Variants in ZBTB16 observed in about 807,000 individuals in gnomAD.
ZBTB16 encodes the protein zinc finger and BTB domain containing 16.
Under a neutral mutation model 56.8 loss-of-function variants are expected in ZBTB16, and 8 were observed. The ratio of observed to expected loss-of-function variants is 0.14; its 90% CI spans 0.08 to 0.25. ZBTB16 has a LOEUF of 0.25. ZBTB16 is among the 10% of genes least tolerant of loss of function. The pLI, the probability that ZBTB16 is intolerant of heterozygous loss-of-function variation, is 1.00. For missense variants in ZBTB16, 625 were observed against 903.0 expected, an observed-to-expected ratio of 0.69 and a Z score of 3.95; for synonymous variants, 363 against 368.5, an observed-to-expected ratio of 0.98 and a Z score of 0.17.
At chr11:114,129,707 C>G (rs1941610084) in intron 2 of ZBTB16, among the ~76,000 whole-genome samples, 1 of 152,206 alleles carries the variant, frequency 6.6e-6, no homozygotes, top group Non-Finnish European at 1.5e-5. Context: ...TTAAATCTAC[C>G]AACTATTTCA....
chr11:114,124,545 A>C (rs1743743501), intron 2 of ZBTB16, among the ~76,000 whole-genome samples: 1 of 123,938 alleles, frequency 8.1e-6, no homozygotes, highest in Non-Finnish European at 1.7e-5. Context: ...AAAACAAAAC[A>C]AAAAAAAAAA....
intron 2 of ZBTB16, among the ~76,000 whole-genome samples, chr11:114,111,597 G>C (rs141256418): frequency 1.3e-5 from 2 of 152,246 alleles, no homozygotes; most frequent in African/African-American, 4.8e-5. Context: ...TGTTTTTGTG[G>C]TTTAGAACCT....
intron 4 of ZBTB16, among the ~76,000 whole-genome samples, chr11:114,214,339 T>C (rs550467795): frequency 2.0e-5 from 3 of 152,296 alleles, no homozygotes; most frequent in Non-Finnish European, 4.4e-5. Context: ...GTGACAGTTA[T>C]TTGTGAAGTT....
At chr11:114,179,446 G>A (rs1591755723) in intron 3 of ZBTB16, among the ~76,000 whole-genome samples, 1 of 152,208 alleles carries the variant, frequency 6.6e-6, no homozygotes, top group South Asian at 2.1e-4. Context: ...GTTGTAAAAT[G>A]CCCTGCGTCT....
rs570564969 is a variant in ZBTB16 at position 114,064,488 on chromosome 11, G to A, written c.1188G>A (p.Lys396=). 1.2e-5 allele frequency: 19 copies of A among 1,614,140 alleles called. No individual in the cohort carries two copies. In the South Asian group the frequency reaches 2.0e-4, roughly 17 times the overall value. Residue 396 remains lysine (K), a synonymous_variant, in exon 2 of 7, where the codon AAG becomes AAA. Coordinates refer to ENST00000335953, the MANE Select transcript of ZBTB16 (RefSeq NM_006006.6). The surrounding 1 kb of genome is among the most constrained non-coding windows in gnomAD (Gnocchi z 4.2). ...TGGGGGAGCTGGCTGTGGGCATGAA[G>A]TCAGAGAGCCGGACCATCGGAGAGC... ...SKLGELAVGM[K]SESRTIGEQC...
intron 2 of ZBTB16, among the ~76,000 whole-genome samples, chr11:114,133,406 C>T (rs12278218): frequency 0.093 from 14,200 of 152,198 alleles, 803 homozygotes; most frequent in East Asian, 0.15. Context: ...ATGCCCCTTT[C>T]CTGCATGCCC....
chr11:114,157,208 C>T (rs1942439445), intron 3 of ZBTB16, among the ~76,000 whole-genome samples: 1 of 152,184 alleles, frequency 6.6e-6, no homozygotes, highest in Non-Finnish European at 1.5e-5. Flanking sequence ...AGGCCTGCCT[C>T]TCCTTTCCCC....
At chr11:114,148,325 A>ATGGC (rs144399770) in intron 2 of ZBTB16, among the ~76,000 whole-genome samples, 18,632 of 90,310 alleles carry the variant, frequency 0.21, 2,741 homozygotes, top group Middle Eastern at 0.39. Flanking sequence ...CATAGGATGC[A>ATGGC]TGGCTGGCTG....
chr11:114,186,488 G>A lies in ZBTB16; in HGVS notation c.1367-464G>A, dbSNP rs1048753305. Among the ~76,000 whole-genome samples the A allele has an allele frequency of 6.6e-5, 10 of 152,138 alleles. 1 individual carries two copies. Among genetic ancestry groups the A allele is most frequent in the African/African-American group, 9.7e-5 (4 of 41,424 alleles). On this transcript the variant is annotated intron_variant, in intron 3 of 6. Coordinates refer to ENST00000335953, the MANE Select transcript of ZBTB16 (RefSeq NM_006006.6). The stretch of plus-strand genomic sequence containing the variant: ...TGCAGGTGGCAGTTGGGGGACAGAC[G>A]ATGAGTTTAGTTTTGGACACACTGA...
rs950248590 is a variant in ZBTB16, at chr11:114,253,698, C to G, written c.*3143C>G. On this transcript the variant is annotated 3_prime_UTR_variant, in exon 7 of 7. Coordinates refer to ENST00000335953, the MANE Select transcript of ZBTB16 (RefSeq NM_006006.6). The stretch of plus-strand genomic sequence containing the variant: ...GTACCTTCCTCTCCCCATGAAGACA[C>G]CTGAATAGAGTCTAACATGCCTCTT... Among the ~76,000 whole-genome samples the G allele has an allele frequency of 2.0e-5, 3 of 152,210 alleles. No homozygotes were observed. Among genetic ancestry groups the G allele is most frequent in the Non-Finnish European group, 2.9e-5 (2 of 68,052 alleles).
chr11:114,204,759 A>G (rs1373730608), intron 4 of ZBTB16, among the ~76,000 whole-genome samples: 1 of 152,154 alleles, frequency 6.6e-6, no homozygotes, highest in African/African-American at 2.4e-5. Context: ...GCAGTTTTGC[A>G]GTAGCTGTTT....
At chr11:114,235,322 C>G (rs1408724465) in intron 4 of ZBTB16, among the ~76,000 whole-genome samples, 1 of 152,248 alleles carries the variant, frequency 6.6e-6, no homozygotes, top group African/African-American at 2.4e-5. Flanking sequence ...ATTTAGATCC[C>G]TCTGCTCCTT....
At chr11:114,216,401 C>T (rs506881) in intron 4 of ZBTB16, among the ~76,000 whole-genome samples, 39,740 of 151,860 alleles carry the variant, frequency 0.26, 5,994 homozygotes, top group South Asian at 0.38. Context: ...CCTTACTAGG[C>T]TGATAAATTG....
At position 114,064,148 on chromosome 11, in the gene ZBTB16, C is replaced by T. The variant is rs1367498920; in HGVS notation, c.848C>T (p.Pro283Leu). ...AGAGGCAAAGAGGGGCCTGGGACCC[C>T]GACTCGAAGCAGCGTCATCACCAGT... Reference protein sequence around the residue: ...EERGKEGPGTPTRSSVITSAR... With the variant: ...EERGKEGPGTLTRSSVITSAR... Residue 283 changes from proline to leucine, a missense_variant, in exon 2 of 7, where the codon CCG becomes CTG. Coordinates refer to ENST00000335953, the MANE Select transcript of ZBTB16 (RefSeq NM_006006.6). This position sits in a 1 kb window ranked among gnomAD's most constrained non-coding sequence, Gnocchi z 4.2. 1.2e-6 allele frequency: 2 copies of T among 1,613,730 alleles called. No homozygotes were observed. Among genetic ancestry groups the T allele is most frequent in the Non-Finnish European group, 1.7e-6 (2 of 1,180,030 alleles).
At chr11:114,245,083 G>A (rs1315731387) in intron 5 of ZBTB16, among the ~76,000 whole-genome samples, 9 of 152,190 alleles carry the variant, frequency 5.9e-5, no homozygotes, top group African/African-American at 1.4e-4. Flanking sequence ...GAGTGGGTTC[G>A]GGTGCACACA....
chr11:114,142,050 G>A (rs1353359127), intron 2 of ZBTB16, among the ~76,000 whole-genome samples: 2 of 152,216 alleles, frequency 1.3e-5, no homozygotes, highest in African/African-American at 4.8e-5. Flanking sequence ...TTGTGCTCAG[G>A]AAATGCTTAA....
chr11:114,116,117 G>A (rs1941166322), intron 2 of ZBTB16, among the ~76,000 whole-genome samples: 2 of 152,212 alleles, frequency 1.3e-5, no homozygotes, highest in Non-Finnish European at 2.9e-5. Flanking sequence ...GGGGCAGAAA[G>A]CTCTAGAAGA....
chr11:114,074,096 T>C (rs1346765415), intron 2 of ZBTB16, among the ~76,000 whole-genome samples: 1 of 152,320 alleles, frequency 6.6e-6, no homozygotes, highest in African/African-American at 2.4e-5. Context: ...ATGTGGTTTT[T>C]AAAGTATGTT....
At chr11:114,213,052 C>G (rs1378263438) in intron 4 of ZBTB16, among the ~76,000 whole-genome samples, 2 of 151,910 alleles carry the variant, frequency 1.3e-5, no homozygotes, top group Non-Finnish European at 2.9e-5. Flanking sequence ...TTCCCCCATC[C>G]CCCCGACCCC....
Sources: allele counts gnomAD v4.1 joint callset (sites outside exome capture counted in the v4.1 genomes callset), GRCh38; gene constraint gnomAD v4.1.1; non-coding constraint Gnocchi (gnomAD v3.1); transcripts MANE v1.5; gene names NCBI Gene and HGNC (gene_info 2026-07-23, HGNC 2026-07-21).